Variants in PCDHGB4 observed in about 807,000 individuals in gnomAD.
PCDHGB4 encodes the protein protocadherin gamma-B4.
PCDHGB4 carries 38 observed loss-of-function variants against 60.5 expected under a neutral mutation model. The ratio of observed to expected loss-of-function variants is 0.63; its 90% CI spans 0.48 to 0.82. PCDHGB4 has a LOEUF of 0.82. Among genes scored for constraint, PCDHGB4 ranks in the 40% least tolerant of loss-of-function variants. The probability of loss-of-function intolerance (pLI) is 0.00; values close to 1 mark genes in which losing one functional copy is unlikely to be tolerated. For synonymous variants in PCDHGB4, 456 were observed against 509.7 expected (o/e 0.89, Z 1.42); for missense variants, 1,109 against 1,209.6 (o/e 0.92, Z 1.23).
At position 141,398,898 on chromosome 5, in the gene PCDHGB4, A is replaced by G. The variant is rs565517655; in HGVS notation, c.2397+8617A>G. 11 of 1,613,922 alleles carry G rather than the reference A, an allele frequency of 6.8e-6. No homozygotes were observed. The African/African-American group carries it at 1.1e-4, about 16-fold the overall frequency. ...TCAGCCTTCGGGAAAACGTGCCACCAGGCACCACTGTGTTGCAAGTGTCAG... is the reference window on the plus strand; with the variant it reads ...TCAGCCTTCGGGAAAACGTGCCACCGGGCACCACTGTGTTGCAAGTGTCAG... On this transcript the variant is annotated intron_variant, in intron 1 of 3. Coordinates refer to ENST00000519479, the MANE Select transcript of PCDHGB4 (RefSeq NM_003736.4).
intron 2 of PCDHGB4, among the ~76,000 whole-genome samples, chr5:141,504,008 C>G (rs2099835164): frequency 6.6e-6 from 1 of 152,208 alleles, no homozygotes; most frequent in South Asian, 2.1e-4. Flanking sequence ...ACTTAACTGT[C>G]TCTGCTGGTC....
chr5:141,400,594 A>G (rs2150867049), intron 1 of PCDHGB4: 1 of 1,603,498 alleles, frequency 6.2e-7, no homozygotes, highest in Non-Finnish European at 8.5e-7. Context: ...AAACTATCGT[A>G]CATTTTCAAG....
intron 1 of PCDHGB4, chr5:141,475,934 G>C (rs754356530): frequency 3.0e-6 from 2 of 665,118 alleles, no homozygotes; most frequent in Non-Finnish European, 5.0e-6. Context: ...TCGGGCCCCT[G>C]CCCGTCCCCT....
chr5:141,485,961 A>G lies in PCDHGB4; in HGVS notation c.2398-8846A>G. Reference sequence around the variant, plus strand: ...GCACCAGCGGGCATGGTGCTCATCCAGCTCAATGCCTCAGACCCGGACCTG... The same window carrying G: ...GCACCAGCGGGCATGGTGCTCATCCGGCTCAATGCCTCAGACCCGGACCTG... On this transcript the variant is annotated intron_variant, in intron 1 of 3. Coordinates refer to ENST00000519479, the MANE Select transcript of PCDHGB4 (RefSeq NM_003736.4). This position sits in a 1 kb window ranked among gnomAD's most constrained non-coding sequence, Gnocchi z 5.7. 1 of 1,614,204 alleles carries G rather than the reference A, an allele frequency of 6.2e-7. No individual in the cohort carries two copies. Among genetic ancestry groups the G allele is most frequent in the Non-Finnish European group, 8.5e-7 (1 of 1,180,028 alleles).
At chr5:141,450,006 CTTT>C (rs1554136305) in intron 1 of PCDHGB4, among the ~76,000 whole-genome samples, 9 of 132,974 alleles carry the variant, frequency 6.8e-5, no homozygotes, top group Admixed American at 7.8e-5. Context: ...TGCCATGTCT[CTTT>C]TTTTTTTTTT....
intron 1 of PCDHGB4, chr5:141,428,109 G>A: frequency 1.2e-6 from 2 of 1,607,850 alleles, no homozygotes; most frequent in Non-Finnish European, 1.7e-6. Context: ...CGTGCTGCAG[G>A]CCATCGAGCC....
chr5:141,422,205 A>G (rs758255761), intron 1 of PCDHGB4: 2 of 1,562,218 alleles, frequency 1.3e-6, no homozygotes, highest in Non-Finnish European at 1.7e-6. Flanking sequence ...AAGATGGTGG[A>G]GGTCTCTTTA....
chr5:141,404,610 T>C lies in PCDHGB4; in HGVS notation c.2397+14329T>C, dbSNP rs1207198913. ...AATGTGTCATTGAGACTGTTTGTTTTGGACCAGAATGACAATGCCCCAGAA... is the reference window on the plus strand; with the variant it reads ...AATGTGTCATTGAGACTGTTTGTTTCGGACCAGAATGACAATGCCCCAGAA... On this transcript the variant is annotated intron_variant, in intron 1 of 3. Transcript: ENST00000519479. 1 of 1,614,130 alleles carries C rather than the reference T, an allele frequency of 6.2e-7. No homozygotes were observed. Among genetic ancestry groups the C allele is most frequent in the African/African-American group, 1.3e-5 (1 of 75,054 alleles).
At chr5:141,412,060 C>G (rs1191231135) in intron 1 of PCDHGB4, 2 of 152,154 alleles carry the variant, frequency 1.3e-5, no homozygotes, top group African/African-American at 2.4e-5. Context: ...ATACCCTTTG[C>G]ATTTGAGGGA....
chr5:141,404,798 C>T (rs1422774939), intron 1 of PCDHGB4: 2 of 1,613,842 alleles, frequency 1.2e-6, no homozygotes, highest in Admixed American at 1.7e-5. Context: ...TGAGCCAGGG[C>T]TCTTCTCGGT....
At chr5:141,407,958 A>C (rs1018466165) in intron 1 of PCDHGB4, 1 of 660,632 alleles carries the variant, frequency 1.5e-6, no homozygotes, top group African/African-American at 1.8e-5. Context: ...GCCAGTGCAG[A>C]GCAAGCGCTG....
At chr5:141,445,964 T>C (rs1199096510) in intron 1 of PCDHGB4, among the ~76,000 whole-genome samples, 2 of 152,280 alleles carry the variant, frequency 1.3e-5, no homozygotes, top group South Asian at 4.1e-4. Context: ...ATATGGAGAA[T>C]TGATTTATGA....
chr5:141,427,899 G>A, intron 1 of PCDHGB4: 1 of 1,571,372 alleles, frequency 6.4e-7, no homozygotes, highest in Non-Finnish European at 8.7e-7. Flanking sequence ...GGGCTCGCCC[G>A]CGCTCAGCGC....
Position 141,393,710 on chromosome 5 carries a change from G to T in PCDHGB4, c.2397+3429G>T, listed in dbSNP as rs143738602. On this transcript the variant is annotated intron_variant, in intron 1 of 3. Transcript: ENST00000519479. Reference sequence around the variant, plus strand: ...TATTCCAGCTTAATGAAAATACTGGGGAAATATCAATAGCAAAAAGTCTAG... The same window carrying T: ...TATTCCAGCTTAATGAAAATACTGGTGAAATATCAATAGCAAAAAGTCTAG... 837 of 1,613,794 alleles carry T rather than the reference G, an allele frequency of 5.2e-4. 2 individuals carry two copies. In the African/African-American group the frequency reaches 1.0e-2, roughly 19 times the overall value.
chr5:141,405,398 C>A, intron 1 of PCDHGB4: 1 of 1,590,262 alleles, frequency 6.3e-7, no homozygotes, highest in Non-Finnish European at 8.6e-7. Flanking sequence ...TTTTTTCTTT[C>A]TTTCTTTTCT....
chr5:141,489,896 C>T lies in PCDHGB4; in HGVS notation c.2398-4911C>T, dbSNP rs765318875. 3 of 1,614,180 alleles carry T rather than the reference C, an allele frequency of 1.9e-6. No homozygotes were observed. The highest frequency in any genetic ancestry group is 1.3e-5 in the African/African-American group (1 of 75,066). On this transcript the variant is annotated intron_variant, in intron 1 of 3. Coordinates refer to ENST00000519479, the MANE Select transcript of PCDHGB4 (RefSeq NM_003736.4). The surrounding 1 kb of genome is among the most constrained non-coding windows in gnomAD (Gnocchi z 4.5). ...GTGCTTACTGCTGTGGATGGGGGGA[C>T]CCCAGCCCGCTCAGGGACCACCCTT...
chr5:141,509,435 T>C (rs547082417), intron 3 of PCDHGB4, among the ~76,000 whole-genome samples: 1 of 152,214 alleles, frequency 6.6e-6, no homozygotes, highest in South Asian at 2.1e-4. Context: ...AAACTCTTGT[T>C]TCCTCCTCTC....
intron 1 of PCDHGB4, among the ~76,000 whole-genome samples, chr5:141,482,828 T>G (rs1274498876): frequency 4.4e-5 from 6 of 135,272 alleles, no homozygotes; most frequent in Non-Finnish European, 9.5e-5. Flanking sequence ...TCCTAGCACT[T>G]TGGGAGGCCA....
intron 1 of PCDHGB4, chr5:141,428,630 C>T: frequency 5.4e-6 from 1 of 185,692 alleles, no homozygotes; most frequent in Non-Finnish European, 1.1e-5. Context: ...AGCTCTAACT[C>T]TGTTGCTCCT....
Sources: gnomAD v4.1 joint callset for allele counts (sites outside exome capture counted in the v4.1 genomes callset) on GRCh38, gnomAD v4.1.1 for gene constraint, Gnocchi (gnomAD v3.1) non-coding constraint, MANE v1.5 for transcripts, NCBI Gene and HGNC (gene_info 2026-07-23, HGNC 2026-07-21) for gene names.